Variants in LMBRD2 observed in about 807,000 individuals in gnomAD.
The protein encoded by LMBRD2 is LMBR1 domain containing 2.
A neutral mutation model predicts 94.4 loss-of-function variants in LMBRD2; 55 were observed. The ratio of observed to expected loss-of-function variants is 0.58; its 90% CI spans 0.47 to 0.73. LMBRD2 has a LOEUF of 0.73. Among genes scored for constraint, LMBRD2 ranks in the 30% least tolerant of loss-of-function variants. LMBRD2 has a pLI of 0.00. For missense variants in LMBRD2, 640 were observed against 831.9 expected (o/e 0.77, Z 2.84); for synonymous variants, 246 against 272.4 (o/e 0.90, Z 0.95).
chr5:36,146,594 CTCA>C (rs1362958075), intron 1 of LMBRD2, among the ~76,000 whole-genome samples: 5 of 152,198 alleles, frequency 3.3e-5, no homozygotes, highest in Non-Finnish European at 1.5e-5. Context: ...CCAGGCTGGA[CTCA>C]AATACCTGGC....
At chr5:36,139,520 C>T (rs1447380537) in intron 4 of LMBRD2, among the ~76,000 whole-genome samples, 4 of 152,230 alleles carry the variant, frequency 2.6e-5, no homozygotes, top group African/African-American at 9.6e-5. Flanking sequence ...GCCATCAGCT[C>T]TGTGGACCAG....
chr5:36,124,484 CT>C (rs1050083755), intron 6 of LMBRD2, among the ~76,000 whole-genome samples: 1 of 152,020 alleles, frequency 6.6e-6, no homozygotes, highest in African/African-American at 2.4e-5. Context: ...TCTAGATTCA[CT>C]CTCTCATCAC....
At chr5:36,114,570 C>A in intron 12 of LMBRD2, 49 bp from the exon 13 acceptor site, 1 of 1,461,106 alleles carries the variant, frequency 6.8e-7, no homozygotes, top group South Asian at 1.6e-5. Context: ...TCTATAATTT[C>A]CATTCCTTTC....
intron 1 of LMBRD2, among the ~76,000 whole-genome samples, chr5:36,150,415 T>G (rs1290715611): frequency 2.0e-5 from 3 of 152,234 alleles, no homozygotes; most frequent in Non-Finnish European, 4.4e-5. Flanking sequence ...TTATTCTCAT[T>G]ATGGCATCTT....
intron 6 of LMBRD2, among the ~76,000 whole-genome samples, chr5:36,129,474 GA>G (rs368442230): frequency 3.4e-4 from 45 of 132,356 alleles, no homozygotes; most frequent in South Asian, 4.8e-4. Context: ...AATGCTGAAA[GA>G]AAAAAAAAAA....
intron 4 of LMBRD2, 93 bp downstream of exon 4, chr5:36,141,014 T>C (rs1160820356): frequency 2.9e-6 from 2 of 683,574 alleles, no homozygotes; most frequent in South Asian, 1.8e-5. Flanking sequence ...AGAATGCATA[T>C]GACACATAAA....
chr5:36,139,147 C>T (rs1385675803), intron 4 of LMBRD2, among the ~76,000 whole-genome samples: 1 of 152,228 alleles, frequency 6.6e-6, no homozygotes, highest in Non-Finnish European at 1.5e-5. Context: ...CATACCCCTA[C>T]AGGCTTGGAA....
intron 13 of LMBRD2, among the ~76,000 whole-genome samples, chr5:36,113,661 G>C (rs1743669598): frequency 6.6e-6 from 1 of 152,108 alleles, no homozygotes; most frequent in East Asian, 1.9e-4. Context: ...AAAGTGGGTA[G>C]ATAAAATTTA....
At chr5:36,141,345 G>A in intron 3 of LMBRD2, 143 bp from the exon 4 acceptor site, 1 of 466,250 alleles carries the variant, frequency 2.1e-6, no homozygotes, top group South Asian at 5.0e-5. Context: ...AAATTTCAAA[G>A]AAATTTTAAA....
At chr5:36,108,063 T>G (rs1743514103) in intron 16 of LMBRD2, among the ~76,000 whole-genome samples, 1 of 152,172 alleles carries the variant, frequency 6.6e-6, no homozygotes, top group African/African-American at 2.4e-5. Flanking sequence ...GGCTTCTGTC[T>G]GGTATCAGTC....
intron 6 of LMBRD2, 70 bp from the exon 7 acceptor site, chr5:36,124,335 T>A: frequency 1.2e-6 from 1 of 843,332 alleles, no homozygotes; most frequent in Admixed American, 2.2e-5. Flanking sequence ...TGAGAATGCA[T>A]TAGGTACTAT....
intron 4 of LMBRD2, among the ~76,000 whole-genome samples, chr5:36,140,535 CT>C (rs1312539140): frequency 6.6e-6 from 1 of 152,128 alleles, no homozygotes; most frequent in African/African-American, 2.4e-5. Context: ...ACTCTTCCAT[CT>C]TTGGAGGGGA....
At chr5:36,143,726 T>C (rs571808698) in intron 1 of LMBRD2, among the ~76,000 whole-genome samples, 1 of 152,176 alleles carries the variant, frequency 6.6e-6, no homozygotes, top group East Asian at 1.9e-4. Flanking sequence ...TCATCTGGAG[T>C]TTGTTTCTTA....
At chr5:36,127,540 C>T (rs1454707213) in intron 6 of LMBRD2, among the ~76,000 whole-genome samples, 1 of 152,128 alleles carries the variant, frequency 6.6e-6, no homozygotes, top group Non-Finnish European at 1.5e-5. Context: ...AGTCCAGTGC[C>T]CTGAAGGGAA....
intron 11 of LMBRD2, among the ~76,000 whole-genome samples, chr5:36,115,715 T>TACACACACAC (rs142065535): frequency 4.9e-4 from 74 of 149,998 alleles, no homozygotes; most frequent in African/African-American, 1.7e-3. Context: ...TACAGGAATC[T>TACACACACAC]ACACACACAC....
intron 4 of LMBRD2, 181 bp downstream of exon 4, chr5:36,140,926 A>C: frequency 2.2e-6 from 1 of 453,944 alleles, no homozygotes; most frequent in Non-Finnish European, 3.9e-6. Context: ...TTGCAGATCT[A>C]AGAGATGCTT....
chr5:36,105,859 T>A (rs1292209460), intron 16 of LMBRD2, among the ~76,000 whole-genome samples: 1 of 152,170 alleles, frequency 6.6e-6, no homozygotes, highest in African/African-American at 2.4e-5. Context: ...CCCTTCTCTA[T>A]GTGGATAGGG....
chr5:36,118,276 A>G (rs976510621), intron 9 of LMBRD2, among the ~76,000 whole-genome samples: 2 of 152,194 alleles, frequency 1.3e-5, no homozygotes, highest in Non-Finnish European at 2.9e-5. Flanking sequence ...ATAAAACACA[A>G]AGACTGAGAA....
intron 6 of LMBRD2, among the ~76,000 whole-genome samples, chr5:36,126,136 C>A (rs1440789768): frequency 6.6e-6 from 1 of 152,124 alleles, no homozygotes; most frequent in Non-Finnish European, 1.5e-5. Flanking sequence ...CAAGATAAGA[C>A]TTGGGTTTTT....
Sources: gnomAD v4.1 joint callset for allele counts (sites outside exome capture counted in the v4.1 genomes callset) on GRCh38, gnomAD v4.1.1 for gene constraint, MANE v1.5 for transcripts, NCBI Gene and HGNC (gene_info 2026-07-23, HGNC 2026-07-21) for gene names.